The following TRIM2 variants were observed in gnomAD, a reference collection of about 807,000 sequenced individuals.
TRIM2 encodes the protein tripartite motif-containing protein 2.
In TRIM2, 20 loss-of-function variants were observed where a neutral mutation model predicts 75.2. The observed-to-expected ratio is 0.27, with a 90% CI of 0.19 to 0.39. The LOEUF is 0.39. TRIM2 is among the 10% of genes least tolerant of loss of function. TRIM2 has a pLI of 1.00. For synonymous variants in TRIM2, 373 were observed against 388.3 expected, an observed-to-expected ratio of 0.96 and a Z score of 0.46; for missense variants, 660 against 990.8, an observed-to-expected ratio of 0.67 and a Z score of 4.48.
chr4:153,307,905 A>T, intron 6 of TRIM2: 2 of 751,362 alleles, frequency 2.7e-6, no homozygotes, highest in Non-Finnish European at 2.5e-6. Context: ...TCTGATCAGG[A>T]CCTTATCTTG....
At chr4:153,292,937 C>T in intron 3 of TRIM2, 45 bp from the exon 4 acceptor site, 2 of 1,531,648 alleles carry the variant, frequency 1.3e-6, no homozygotes, top group South Asian at 2.6e-5. Flanking sequence ...AGTAAGCCCT[C>T]AACCCATGGC....
chr4:153,260,060 T>C (rs1438375442), intron 1 of TRIM2, among the ~76,000 whole-genome samples: 1 of 152,210 alleles, frequency 6.6e-6, no homozygotes, highest in Non-Finnish European at 1.5e-5. Context: ...ATGTGCTTCG[T>C]ATATACCAGG....
At chr4:153,316,079 T>C (rs886533984) in intron 8 of TRIM2, 80 bp downstream of exon 8, 18 of 1,381,212 alleles carry the variant, frequency 1.3e-5, no homozygotes, top group Non-Finnish European at 1.8e-5. Flanking sequence ...TATTTCTTTT[T>C]TGAGATGCAG....
rs1280565868 is a variant in TRIM2 at position 153,275,265 on chromosome 4, TTAAC to T, written c.216-624_216-621del. On this transcript the variant is annotated intron_variant, in intron 2 of 11. Transcript: ENST00000338700. ...GAGTCATTATTAGTGACACACTTCT[TTAAC>T]TAAATGAGTTAAGTTGATACCTGTT... is the stretch of plus-strand genomic sequence containing the variant. Among the ~76,000 whole-genome samples the T allele has an allele frequency of 2.0e-5, 3 of 152,240 alleles. No individual in the cohort carries two copies. The East Asian group carries it at 5.8e-4, about 29-fold the overall frequency.
chr4:153,208,637 C>T (rs765560531), intron 1 of TRIM2, among the ~76,000 whole-genome samples: 4 of 152,048 alleles, frequency 2.6e-5, no homozygotes, highest in Non-Finnish European at 4.4e-5. Flanking sequence ...AAGTCACTTA[C>T]CCTCTCCAGT....
In TRIM2 at chr4:153,193,683, G is replaced by A. The variant is rs149698834; in HGVS notation, c.-49+40413G>A. On this transcript the variant is annotated intron_variant, in intron 1 of 11. Coordinates refer to the TRIM2 transcript ENST00000437508. ...GGCGCAGTCATGAATCACAGTGGGCGTGTGGCCTATTCTGAGTCTGCTCTC... is the reference window on the plus strand; with the variant it reads ...GGCGCAGTCATGAATCACAGTGGGCATGTGGCCTATTCTGAGTCTGCTCTC... Among the ~76,000 whole-genome samples the A allele has an allele frequency of 6.2e-3, 948 of 152,302 alleles. 7 individuals are homozygous for A. Among genetic ancestry groups the A allele is most frequent in the African/African-American group, 0.021 (881 of 41,546 alleles).
intron 1 of TRIM2, among the ~76,000 whole-genome samples, chr4:153,177,009 AG>A (rs1295562209): frequency 7.9e-5 from 12 of 152,262 alleles, no homozygotes; most frequent in Non-Finnish European, 2.9e-5. Flanking sequence ...CTCTTCAAGT[AG>A]AAGGAATCTT....
chr4:153,289,086 A>G (rs755531934), intron 3 of TRIM2, among the ~76,000 whole-genome samples: 2 of 152,070 alleles, frequency 1.3e-5, no homozygotes, highest in Admixed American at 6.5e-5. Flanking sequence ...GAGAGTGCCT[A>G]TAAATTTCTT....
At chr4:153,204,768 A>T (rs1734932078) in intron 1 of TRIM2, among the ~76,000 whole-genome samples, 1 of 152,174 alleles carries the variant, frequency 6.6e-6, no homozygotes, top group Non-Finnish European at 1.5e-5. Flanking sequence ...GGAAGCAAAA[A>T]ATCGAGGGAG....
intron 1 of TRIM2, among the ~76,000 whole-genome samples, chr4:153,176,955 C>G (rs1367286826): frequency 6.6e-6 from 1 of 152,212 alleles, no homozygotes; most frequent in African/African-American, 2.4e-5. Flanking sequence ...TCAGCTGTGA[C>G]AGAAAACCCA....
chr4:153,299,010 A>T (rs148584847), intron 6 of TRIM2, among the ~76,000 whole-genome samples: 2,715 of 152,224 alleles, frequency 0.018, 72 homozygotes, highest in African/African-American at 0.061. Flanking sequence ...AAGTGCTGGG[A>T]TTACCGGCGT....
chr4:153,237,761 T>C (rs1745423243), intron 1 of TRIM2, among the ~76,000 whole-genome samples: 2 of 152,210 alleles, frequency 1.3e-5, no homozygotes, highest in Admixed American at 1.3e-4. Flanking sequence ...TATACATACA[T>C]ACTTTCTACT....
intron 3 of TRIM2, among the ~76,000 whole-genome samples, chr4:153,286,147 G>C (rs140767508): frequency 2.0e-5 from 3 of 152,092 alleles, no homozygotes; most frequent in Admixed American, 1.3e-4. Flanking sequence ...ATTTGTCTAG[G>C]TAAGCCACCC....
chr4:153,180,540 C>A (rs1237992474), intron 1 of TRIM2, among the ~76,000 whole-genome samples: 1 of 152,230 alleles, frequency 6.6e-6, no homozygotes, highest in East Asian at 1.9e-4. Flanking sequence ...TCTTGCTGCG[C>A]AATCTTGGCT....
At chr4:153,291,928 G>A (rs1761905492) in intron 3 of TRIM2, among the ~76,000 whole-genome samples, 1 of 152,184 alleles carries the variant, frequency 6.6e-6, no homozygotes, top group African/African-American at 2.4e-5. Context: ...GTGACACAGT[G>A]AGGCTGAAAA....
chr4:153,236,090 C>T (rs1398873831), intron 1 of TRIM2, among the ~76,000 whole-genome samples: 1 of 152,038 alleles, frequency 6.6e-6, no homozygotes, highest in African/African-American at 2.4e-5. Flanking sequence ...CGCATTTCTC[C>T]TGCTTGCACT....
chr4:153,325,261 C>T (rs892921943), intron 10 of TRIM2, among the ~76,000 whole-genome samples: 1 of 152,160 alleles, frequency 6.6e-6, no homozygotes, highest in East Asian at 1.9e-4. Flanking sequence ...CAGTAGCGCA[C>T]AGTGGGCTGC....
intron 1 of TRIM2, among the ~76,000 whole-genome samples, chr4:153,241,833 T>G (rs1746710594): frequency 6.6e-6 from 1 of 152,144 alleles, no homozygotes; most frequent in Admixed American, 6.5e-5. Context: ...AGGCCACACG[T>G]ATGCCGGATA....
chr4:153,335,800 T>C lies in TRIM2; in HGVS notation c.*834T>C. The C allele has an allele frequency of 1.0e-6, 1 of 985,888 alleles. No homozygotes were observed. Among genetic ancestry groups the C allele is most frequent in the Non-Finnish European group, 1.2e-6 (1 of 829,940 alleles). The allele number at this position is 985,888 out of a possible 1,614,324, so 61.1% of individuals were successfully genotyped here. A position where few individuals can be genotyped will look rare whatever the true frequency, so the allele number is the denominator to read the frequency against. ...TCAAGAAAGTTAGTCATGTTTTATG[T>C]ACCATGTTTTCACACGTGTCTCTTC... On this transcript the variant is annotated 3_prime_UTR_variant, in exon 12 of 12. Coordinates refer to ENST00000338700, the MANE Select transcript of TRIM2 (RefSeq NM_015271.5).
Sources: allele counts gnomAD v4.1 joint callset (sites outside exome capture counted in the v4.1 genomes callset), GRCh38; gene constraint gnomAD v4.1.1; transcripts MANE v1.5; gene names NCBI Gene and HGNC (gene_info 2026-07-23, HGNC 2026-07-21).